The following KLHL29 variants were observed in gnomAD, a reference collection of about 807,000 sequenced individuals.
KLHL29 encodes the protein kelch-like protein 29.
Under a neutral mutation model 80.4 loss-of-function variants are expected in KLHL29, and 21 were observed. The observed-to-expected ratio is 0.26, with a 90% CI of 0.19 to 0.38. KLHL29 has a LOEUF of 0.38. Ranked by LOEUF, KLHL29 falls within the 10% of genes least tolerant of loss-of-function variation. The pLI is 1.00. For missense variants in KLHL29, 867 were observed against 1,223.9 expected (o/e 0.71, Z 4.35); for synonymous variants, 511 against 526.8 (o/e 0.97, Z 0.41).
chr2:23,426,309 A>G (rs1187131312), intron 1 of KLHL29, among the ~76,000 whole-genome samples: 1 of 152,172 alleles, frequency 6.6e-6, no homozygotes, highest in Non-Finnish European at 1.5e-5. Flanking sequence ...CCTCAAATGT[A>G]TCAATCCAAG....
chr2:23,442,233 G>A (rs1663548689), intron 1 of KLHL29, among the ~76,000 whole-genome samples: 1 of 152,086 alleles, frequency 6.6e-6, no homozygotes, highest in East Asian at 1.9e-4. Context: ...TGAGACCACA[G>A]ACTTGTGCCA....
chr2:23,509,357 G>C (rs924999897), intron 2 of KLHL29, among the ~76,000 whole-genome samples: 1 of 152,186 alleles, frequency 6.6e-6, no homozygotes, highest in Non-Finnish European at 1.5e-5. Context: ...ATCTTCATTG[G>C]ACTGCTGTGT....
At chr2:23,450,271 A>G (rs1663837100) in intron 1 of KLHL29, among the ~76,000 whole-genome samples, 1 of 152,208 alleles carries the variant, frequency 6.6e-6, no homozygotes, top group African/African-American at 2.4e-5. Context: ...TAGCTGGGCA[A>G]GACGTGCCGC....
At position 23,681,683 on chromosome 2, in the gene KLHL29, C is replaced by T. The variant is rs1214680265; in HGVS notation, c.941-2716C>T. ...GAGGCCCAGAAAGCTGGGGTGCTGG[C>T]CCAGGGTCACACACCAATTAGTGGC... On this transcript the variant is annotated intron_variant, in intron 5 of 13. Transcript: ENST00000486442. This position sits in a 1 kb window ranked among gnomAD's most constrained non-coding sequence, Gnocchi z 4.2. Among the ~76,000 whole-genome samples, 5 of 152,128 alleles carry T rather than the reference C, an allele frequency of 3.3e-5. No individual in the cohort carries two copies. Among genetic ancestry groups the T allele is most frequent in the African/African-American group, 1.2e-4 (5 of 41,416 alleles).
intron 2 of KLHL29, among the ~76,000 whole-genome samples, chr2:23,526,669 T>C (rs1666330975): frequency 6.6e-6 from 1 of 152,156 alleles, no homozygotes; most frequent in African/African-American, 2.4e-5. Flanking sequence ...AGCACCTTTG[T>C]GGCCTGCCCT....
At chr2:23,662,534 C>T (rs992477595) in intron 5 of KLHL29, among the ~76,000 whole-genome samples, 2 of 152,086 alleles carry the variant, frequency 1.3e-5, no homozygotes, top group Non-Finnish European at 2.9e-5. Flanking sequence ...GTTCACCAGC[C>T]CCTCCTGGGG....
chr2:23,629,012 G>C (rs1669399393), intron 3 of KLHL29, among the ~76,000 whole-genome samples: 2 of 152,242 alleles, frequency 1.3e-5, no homozygotes, highest in African/African-American at 4.8e-5. Context: ...CGATTGGAGA[G>C]GGTCACCGTG....
chr2:23,629,794 C>T (rs1043834472), intron 3 of KLHL29, among the ~76,000 whole-genome samples: 2 of 152,194 alleles, frequency 1.3e-5, no homozygotes, highest in Non-Finnish European at 2.9e-5. Flanking sequence ...GCATGGGCTA[C>T]CACACAGGTG....
chr2:23,412,397 A>G (rs1257056986), intron 1 of KLHL29, among the ~76,000 whole-genome samples: 1 of 152,212 alleles, frequency 6.6e-6, no homozygotes, highest in African/African-American at 2.4e-5. Flanking sequence ...TCCAGTGAGA[A>G]GTGGGCACTG....
chr2:23,424,349 C>G (rs1459820008), intron 1 of KLHL29, among the ~76,000 whole-genome samples: 1 of 152,154 alleles, frequency 6.6e-6, no homozygotes, highest in Admixed American at 6.5e-5. Context: ...GCATGGCGAA[C>G]GGAAATCAGA....
At chr2:23,551,053 T>C (rs1667109964) in intron 2 of KLHL29, among the ~76,000 whole-genome samples, 1 of 152,206 alleles carries the variant, frequency 6.6e-6, no homozygotes, top group African/African-American at 2.4e-5. Flanking sequence ...GAACAAGCAG[T>C]TAGAAGGAGC....
intron 1 of KLHL29, among the ~76,000 whole-genome samples, chr2:23,431,819 G>A (rs6710130): frequency 0.056 from 8,449 of 150,846 alleles, 293 homozygotes; most frequent in African/African-American, 0.09. Flanking sequence ...GCGTGAACCC[G>A]GGAGGCGGAG....
At chr2:23,441,592 A>G (rs1321836583) in intron 1 of KLHL29, among the ~76,000 whole-genome samples, 1 of 152,164 alleles carries the variant, frequency 6.6e-6, no homozygotes, top group Admixed American at 6.5e-5. Context: ...AGGGCTCAGC[A>G]AGGATGGTTC....
At chr2:23,490,089 C>T (rs1665052299) in intron 2 of KLHL29, among the ~76,000 whole-genome samples, 2 of 152,216 alleles carry the variant, frequency 1.3e-5, no homozygotes, top group African/African-American at 2.4e-5. Flanking sequence ...CCTCCGTGGG[C>T]GAGGATGCGC....
At chr2:23,425,110 A>T (rs955877712) in intron 1 of KLHL29, among the ~76,000 whole-genome samples, 9 of 152,226 alleles carry the variant, frequency 5.9e-5, no homozygotes, top group Non-Finnish European at 7.3e-5. Context: ...GAACGTTATT[A>T]AAAAATGGTC....
At chr2:23,686,584 G>A (rs1671269990) in intron 6 of KLHL29, among the ~76,000 whole-genome samples, 1 of 151,900 alleles carries the variant, frequency 6.6e-6, no homozygotes, top group African/African-American at 2.4e-5. Flanking sequence ...GAGGTGTCAC[G>A]GGCATCAGAG....
chr2:23,605,158 T>C (rs1419825977), intron 3 of KLHL29, among the ~76,000 whole-genome samples: 1 of 135,524 alleles, frequency 7.4e-6, no homozygotes, highest in Non-Finnish European at 1.5e-5. Flanking sequence ...GTCACCCAGA[T>C]TGCAGTGCAG....
intron 5 of KLHL29, among the ~76,000 whole-genome samples, chr2:23,664,835 C>G (rs573037021): frequency 2.0e-5 from 3 of 151,886 alleles, no homozygotes; most frequent in African/African-American, 7.3e-5. Context: ...CGGGGCCAAT[C>G]ACTCCCCTTC....
In KLHL29 at chr2:23,495,222, G is replaced by A. The variant is rs187925300; in HGVS notation, c.-46+19555G>A. On this transcript the variant is annotated intron_variant, in intron 2 of 13. Transcript: ENST00000486442. ...ATTTTTAAGGGAAATGGTAAAAGAT[G>A]TGAGGGCCTGCAGGAGGTGGTCCCT... Among the ~76,000 whole-genome samples the A allele has an allele frequency of 4.9e-4, 75 of 152,252 alleles. No homozygotes were observed. The South Asian group carries it at 8.5e-3, about 17-fold the overall frequency.
Sources: allele counts gnomAD v4.1 joint callset (sites outside exome capture counted in the v4.1 genomes callset), GRCh38; gene constraint gnomAD v4.1.1; non-coding constraint Gnocchi (gnomAD v3.1); transcripts MANE v1.5; gene names NCBI Gene and HGNC (gene_info 2026-07-23, HGNC 2026-07-21).